The following DOCK3 variants were observed in gnomAD, a reference collection of about 807,000 sequenced individuals.
DOCK3 encodes the protein dedicator of cytokinesis protein 3.
Under a neutral mutation model 265.6 loss-of-function variants are expected in DOCK3, and 60 were observed. That is an observed-to-expected ratio of 0.23 (90% CI 0.18 to 0.28). DOCK3 has a LOEUF of 0.28. Ranked by LOEUF, DOCK3 falls within the 10% of genes least tolerant of loss-of-function variation. The pLI is 1.00. For missense variants in DOCK3, 1,981 were observed against 2,594.3 expected (o/e 0.76, Z 5.14); for synonymous variants, 881 against 938.0 (o/e 0.94, Z 1.11).
intron 12 of DOCK3, among the ~76,000 whole-genome samples, chr3:51,193,357 G>A (rs916243798): frequency 1.3e-5 from 2 of 152,064 alleles, no homozygotes; most frequent in African/African-American, 4.8e-5. Flanking sequence ...TGTTTACCAG[G>A]GATATTGACA....
At position 51,315,144 on chromosome 3, in the gene DOCK3, G is replaced by A; in HGVS notation, c.3402+16G>A. The stretch of plus-strand genomic sequence containing the variant: ...CTTCAAACAGGTAAGACACCTGGCA[G>A]TGTTCGGGGTATTCTCTGGAATGGA... On this transcript the variant is annotated intron_variant, in intron 32 of 52. Transcript: ENST00000266037. 1 of 1,586,582 alleles carries A rather than the reference G, an allele frequency of 6.3e-7. No individual in the cohort carries two copies.
chr3:51,350,195 C>A lies in DOCK3; in HGVS notation c.4003-93C>A, dbSNP rs905675803. 3 of 1,117,802 alleles carry A rather than the reference C, an allele frequency of 2.7e-6. No individual in the cohort carries two copies. In the East Asian group the frequency reaches 7.3e-5, roughly 27 times the overall value. The allele number at this position is 1,117,802 out of a possible 1,614,324, so 69.2% of individuals were successfully genotyped here. ...TATCTAGATTGAGTTGCCATGATCC[C>A]TTTCCAGAAGACAGTGTCCAGTTGG... On this transcript the variant is annotated intron_variant, in intron 39 of 52. Coordinates refer to ENST00000266037, the MANE Select transcript of DOCK3 (RefSeq NM_004947.5).
At chr3:50,936,046 G>C (rs1266244908) in intron 5 of DOCK3, among the ~76,000 whole-genome samples, 1 of 151,970 alleles carries the variant, frequency 6.6e-6, no homozygotes, top group Admixed American at 6.6e-5. Flanking sequence ...GCTTCAACAA[G>C]CAATTACAAA....
At chr3:50,735,449 T>C (rs2038528129) in intron 1 of DOCK3, among the ~76,000 whole-genome samples, 1 of 152,158 alleles carries the variant, frequency 6.6e-6, no homozygotes, top group African/African-American at 2.4e-5. Flanking sequence ...CAAGCAATTC[T>C]CCTGCCTCAG....
chr3:50,860,160 G>A (rs935685045), intron 3 of DOCK3, among the ~76,000 whole-genome samples: 3 of 152,180 alleles, frequency 2.0e-5, no homozygotes, highest in African/African-American at 7.2e-5. Flanking sequence ...GAGCCATGGG[G>A]GTTGTATGGG....
At chr3:50,955,490 A>G (rs2076705935) in intron 5 of DOCK3, among the ~76,000 whole-genome samples, 3 of 152,208 alleles carry the variant, frequency 2.0e-5, no homozygotes, top group South Asian at 2.1e-4. Context: ...TACACCATGA[A>G]TACTATACAG....
At chr3:51,082,004 A>G (rs2082261005) in intron 7 of DOCK3, among the ~76,000 whole-genome samples, 1 of 152,004 alleles carries the variant, frequency 6.6e-6, no homozygotes, top group African/African-American at 2.4e-5. Flanking sequence ...AATTAACTAC[A>G]TATTGAATAG....
chr3:51,346,442 A>C (rs1019881442), intron 38 of DOCK3, among the ~76,000 whole-genome samples: 2 of 152,126 alleles, frequency 1.3e-5, no homozygotes, highest in African/African-American at 4.8e-5. Flanking sequence ...TTCCAGCTTC[A>C]TCCATGTCCC....
chr3:51,112,542 T>C (rs1230804467), intron 9 of DOCK3, among the ~76,000 whole-genome samples: 2 of 152,188 alleles, frequency 1.3e-5, no homozygotes, highest in East Asian at 1.9e-4. Context: ...TATTGCCATA[T>C]GTAAACTGTA....
At chr3:50,679,337 A>T (rs1382059568) in intron 1 of DOCK3, among the ~76,000 whole-genome samples, 1 of 152,150 alleles carries the variant, frequency 6.6e-6, no homozygotes, top group Non-Finnish European at 1.5e-5. Flanking sequence ...CTCTTAGTAG[A>T]ACATGAAAAA....
Position 51,381,607 on chromosome 3 carries a change from A to G in DOCK3, c.*48A>G, listed in dbSNP as rs556545268. ...GCCGCCCTCAGTAAGCAGCTTGCCA[A>G]TCACTCCAGGTCTGAAAAGCAAGTC... On this transcript the variant is annotated 3_prime_UTR_variant, in exon 53 of 53. Transcript: ENST00000266037. This position sits in a 1 kb window ranked among gnomAD's most constrained non-coding sequence, Gnocchi z 5.6. 2.9e-5 allele frequency: 42 copies of G among 1,455,306 alleles called. No individual in the cohort carries two copies. The highest frequency in any genetic ancestry group is 5.1e-4 in the Middle Eastern group (2 of 3,946). 90.1% of individuals were successfully genotyped at this position (1,455,306 alleles called of 1,614,324 possible).
chr3:50,844,586 A>C lies in DOCK3; in HGVS notation c.162+2871A>C, dbSNP rs567380037. 9.2e-5 allele frequency among the ~76,000 whole-genome samples: 14 copies of C among 152,262 alleles called. No homozygotes were observed. In the East Asian group the frequency reaches 1.4e-3, roughly 15 times the overall value. ...TATAAAAGTTTTTCAAAATTGGCAA[A>C]GCTTAATCTTTTTGTTCCCTGTATT... On this transcript the variant is annotated intron_variant, in intron 3 of 52. Coordinates refer to ENST00000266037, the MANE Select transcript of DOCK3 (RefSeq NM_004947.5).
chr3:51,358,501 C>T (rs2086518442), intron 46 of DOCK3, among the ~76,000 whole-genome samples: 1 of 152,164 alleles, frequency 6.6e-6, no homozygotes, highest in African/African-American at 2.4e-5. Flanking sequence ...CTCTCCCTGT[C>T]CTTCTTCATT....
intron 5 of DOCK3, among the ~76,000 whole-genome samples, chr3:50,934,472 A>G (rs2051246159): frequency 6.6e-6 from 1 of 152,248 alleles, no homozygotes; most frequent in Non-Finnish European, 1.5e-5. Flanking sequence ...AGTTTTTAAC[A>G]GCTACTAAGC....
chr3:50,847,542 TG>T (rs2046140178), intron 3 of DOCK3, among the ~76,000 whole-genome samples: 2 of 152,252 alleles, frequency 1.3e-5, no homozygotes, highest in African/African-American at 4.8e-5. Context: ...AGATGTTATT[TG>T]TTAGTTTTCT....
At chr3:50,998,621 C>T (rs1382630771) in intron 5 of DOCK3, among the ~76,000 whole-genome samples, 2 of 152,160 alleles carry the variant, frequency 1.3e-5, no homozygotes, top group Non-Finnish European at 2.9e-5. Context: ...ATCATAGCAT[C>T]GTTAATATAG....
intron 27 of DOCK3, among the ~76,000 whole-genome samples, chr3:51,281,297 A>ATATATATATATATATG (rs889323835): frequency 3.7e-5 from 5 of 136,734 alleles, no homozygotes; most frequent in African/African-American, 1.4e-4. Flanking sequence ...ATATATATAT[A>ATATATATATATATATG]TATATATATC....
At chr3:51,009,847 C>A (rs1428038037) in intron 5 of DOCK3, among the ~76,000 whole-genome samples, 1 of 152,178 alleles carries the variant, frequency 6.6e-6, no homozygotes, top group Non-Finnish European at 1.5e-5. Flanking sequence ...CAAAGAACAT[C>A]TTTATTTCTG....
chr3:50,825,957 T>TG (rs995568595), intron 2 of DOCK3, among the ~76,000 whole-genome samples: 5 of 57,702 alleles, frequency 8.7e-5, no homozygotes, highest in Non-Finnish European at 2.5e-4. Flanking sequence ...TGGTTCTTCA[T>TG]GTTTTTTTTT....
Sources: gnomAD v4.1 joint callset for allele counts (sites outside exome capture counted in the v4.1 genomes callset) on GRCh38, gnomAD v4.1.1 for gene constraint, Gnocchi (gnomAD v3.1) non-coding constraint, MANE v1.5 for transcripts, NCBI Gene and HGNC (gene_info 2026-07-23, HGNC 2026-07-21) for gene names.